Variants in SMYD1 observed in about 807,000 individuals in gnomAD.
SMYD1 encodes the protein SET and MYND domain containing 1, also known as histone-lysine N-methyltransferase SMYD1.
SMYD1 carries 49 observed loss-of-function variants against 54.0 expected under a neutral mutation model. That is an observed-to-expected ratio of 0.91 (90% CI 0.72 to 1.15). The LOEUF is 1.15. Ranked by LOEUF, SMYD1 falls within the 50% of genes most tolerant of loss-of-function variation. The pLI is 0.00. For missense variants in SMYD1, 653 were observed against 639.6 expected, an observed-to-expected ratio of 1.02 and a Z score of -0.23; for synonymous variants, 269 against 234.2, an observed-to-expected ratio of 1.15 and a Z score of -1.36.
intron 5 of SMYD1, among the ~76,000 whole-genome samples, chr2:88,094,488 T>C (rs1573114275): frequency 1.3e-5 from 2 of 152,202 alleles, no homozygotes; most frequent in South Asian, 4.1e-4. Flanking sequence ...AGAAAGCTGG[T>C]TGGAGGGAGA....
chr2:88,067,829 T>TTA lies in SMYD1; in HGVS notation c.-35_-34dup. 2 of 1,605,834 alleles carry TTA rather than the reference T, an allele frequency of 1.2e-6. No homozygotes were observed. The highest frequency in any genetic ancestry group is 4.5e-5 in the East Asian group (2 of 44,660). On this transcript the variant is annotated 5_prime_UTR_variant, in exon 1 of 10. Coordinates refer to ENST00000419482, the MANE Select transcript of SMYD1 (RefSeq NM_198274.4). ...CAATGACAAGAGACTTGGCTCAGTGTTAAATAACTGCCGCGCTGGCCTGAC... is the reference window on the plus strand; with the variant it reads ...CAATGACAAGAGACTTGGCTCAGTGTTATAAATAACTGCCGCGCTGGCCTGAC...
In SMYD1 at chr2:88,074,465, G is replaced by A. The variant is rs183781983; in HGVS notation, c.137+6464G>A. 1.6e-4 allele frequency among the ~76,000 whole-genome samples: 25 copies of A among 152,278 alleles called. 1 individual carries two copies. The highest frequency in any genetic ancestry group is 6.0e-4 in the African/African-American group (25 of 41,554). On this transcript the variant is annotated intron_variant, in intron 1 of 9. Coordinates refer to ENST00000419482, the MANE Select transcript of SMYD1 (RefSeq NM_198274.4). ...TTTGGGATACTGTCCTTGTCTCAAG[G>A]TCTTTAACTTAATCACTCATGCAAA... is the stretch of plus-strand genomic sequence containing the variant.
chr2:88,092,612 A>G (rs150326858), intron 4 of SMYD1, among the ~76,000 whole-genome samples: 1 of 152,344 alleles, frequency 6.6e-6, no homozygotes, highest in East Asian at 1.9e-4. Flanking sequence ...AGTAATTGAG[A>G]AAGTCACTCA....
At chr2:88,093,652 C>T in intron 5 of SMYD1, 97 bp downstream of exon 5, 2 of 1,341,718 alleles carry the variant, frequency 1.5e-6, no homozygotes, top group South Asian at 1.2e-5. Context: ...TCTTGGCTGC[C>T]ATCTGTCCAT....
intron 8 of SMYD1, among the ~76,000 whole-genome samples, chr2:88,107,918 C>T (rs565341602): frequency 5.9e-5 from 9 of 152,350 alleles, no homozygotes; most frequent in East Asian, 1.9e-4. Context: ...TGCCCTGCTT[C>T]GGCTTACACT....
At chr2:88,077,121 T>A (rs2919877) in intron 1 of SMYD1, among the ~76,000 whole-genome samples, 123,890 of 152,218 alleles carry the variant, frequency 0.81, 50,785 homozygotes, top group East Asian at 1. Context: ...CTGTTGGTCC[T>A]GTCCTCTCTG....
intron 6 of SMYD1, among the ~76,000 whole-genome samples, chr2:88,101,852 C>T (rs1003617556): frequency 1.2e-4 from 19 of 152,306 alleles, no homozygotes; most frequent in African/African-American, 4.1e-4. Context: ...GTAATCTGCC[C>T]GCCTGGGCCT....
At position 88,103,133 on chromosome 2, in the gene SMYD1, G is replaced by T; in HGVS notation, c.964G>T (p.Glu322Ter). The change falls in exon 7 of 10, where the codon GAG becomes TAG. Residue 322 changes from glutamate to a stop codon, truncating the protein, a stop_gained. Coordinates refer to ENST00000419482, the MANE Select transcript of SMYD1 (RefSeq NM_198274.4). LOFTEE classifies it high-confidence loss of function. ...GGAAAAGATAGACAAGGCTCGTTCC[G>T]AGGGTTTGTATCATGAGGTAAGAAT... The part of the protein sequence containing the change: ...TLEKIDKARS[E>*]GLYHEVVKLC... The T allele has an allele frequency of 1.2e-6, 2 of 1,613,664 alleles. No individual in the cohort carries two copies. The highest frequency in any genetic ancestry group is 1.3e-5 in the African/African-American group (1 of 74,982).
chr2:88,074,241 T>C (rs1674009683), intron 1 of SMYD1, among the ~76,000 whole-genome samples: 4 of 152,252 alleles, frequency 2.6e-5, no homozygotes, highest in Admixed American at 6.5e-5. Flanking sequence ...TATTATCTTA[T>C]AGTTCTGGAG....
intron 4 of SMYD1, among the ~76,000 whole-genome samples, chr2:88,092,286 C>G (rs771662949): frequency 2.0e-5 from 3 of 151,992 alleles, no homozygotes; most frequent in Non-Finnish European, 4.4e-5. Context: ...CATAAGGGCA[C>G]ATGATGGATT....
In SMYD1 at chr2:88,112,300, C is replaced by CT. The variant is rs151101241; in HGVS notation, c.*1795dup. The CT allele has an allele frequency of 2.8e-3, 1,694 of 611,876 alleles. 27 individuals carry two copies. The highest frequency in any genetic ancestry group is 0.028 in the African/African-American group (1,497 of 54,208). 37.9% of individuals were successfully genotyped at this position (611,876 alleles called of 1,614,324 possible). On this transcript the variant is annotated 3_prime_UTR_variant, in exon 10 of 10. Transcript: ENST00000419482. ...CTGGTCATTTCCCCATATTCGTAGT[C>CT]TTTTTTTCCATCCTATCTTTCTAAT...
intron 1 of SMYD1, among the ~76,000 whole-genome samples, chr2:88,075,338 C>G (rs941441293): frequency 1.3e-5 from 2 of 152,094 alleles, no homozygotes; most frequent in African/African-American, 4.8e-5. Flanking sequence ...TTTACCCACT[C>G]GCATCCCAGG....
intron 6 of SMYD1, among the ~76,000 whole-genome samples, chr2:88,099,251 A>C (rs967603473): frequency 2.0e-5 from 3 of 151,890 alleles, no homozygotes; most frequent in African/African-American, 7.2e-5. Context: ...GCTGCTGGCT[A>C]ATTTTTGTAT....
At chr2:88,103,969 C>CTTT (rs111800051) in intron 7 of SMYD1, among the ~76,000 whole-genome samples, 1 of 142,278 alleles carries the variant, frequency 7.0e-6, no homozygotes, top group Non-Finnish European at 1.5e-5. Context: ...ATTTCTATTT[C>CTTT]TTTTTTTTTT....
At position 88,087,936 on chromosome 2, in the gene SMYD1, A is replaced by G; in HGVS notation, c.389A>G (p.Asp130Gly). ...GLTEGCLVSV[D>G]DLQNHVEHFG... ...ACGGAGGGCTGCCTGGTGTCCGTGG[A>G]CGACTTGCAGAACCACGTGGAGCAC... The change falls in exon 3 of 10, where the codon GAC becomes GGC. Residue 130 changes from aspartate to glycine, a missense_variant. Coordinates refer to ENST00000419482, the MANE Select transcript of SMYD1 (RefSeq NM_198274.4). The G allele has an allele frequency of 6.2e-7, 1 of 1,613,960 alleles. No individual in the cohort carries two copies. Among genetic ancestry groups the G allele is most frequent in the Non-Finnish European group, 8.5e-7 (1 of 1,179,932 alleles).
chr2:88,095,970 C>T (rs1447983506), intron 5 of SMYD1, among the ~76,000 whole-genome samples: 2 of 152,354 alleles, frequency 1.3e-5, no homozygotes, highest in African/African-American at 4.8e-5. Context: ...CAGTAAGCCA[C>T]ATCTCCCAAT....
chr2:88,104,122 A>T (rs1573120831), intron 7 of SMYD1, among the ~76,000 whole-genome samples: 2 of 152,048 alleles, frequency 1.3e-5, no homozygotes, highest in Admixed American at 1.3e-4. Context: ...GCCCGCCACC[A>T]CGCCTGGCTA....
intron 6 of SMYD1, among the ~76,000 whole-genome samples, chr2:88,098,504 T>A (rs1051575671): frequency 6.6e-6 from 1 of 152,238 alleles, no homozygotes; most frequent in Non-Finnish European, 1.5e-5. Context: ...TTATATTTTA[T>A]ATCAAATTGA....
Position 88,103,133 on chromosome 2 carries a change from G to A in SMYD1, c.964G>A (p.Glu322Lys), listed in dbSNP as rs761800685. ...TLEKIDKARSEGLYHEVVKLC... is the reference protein window; with the variant it reads ...TLEKIDKARSKGLYHEVVKLC... ...GGAAAAGATAGACAAGGCTCGTTCC[G>A]AGGGTTTGTATCATGAGGTAAGAAT... Residue 322 changes from glutamate to lysine, a missense_variant, in exon 7 of 10, where the codon GAG (glutamate) becomes AAG (lysine). Transcript: ENST00000419482. The A allele has an allele frequency of 5.6e-6, 9 of 1,613,546 alleles. No individual in the cohort carries two copies. The highest frequency in any genetic ancestry group is 3.3e-5 in the South Asian group (3 of 91,050).
Sources: gnomAD v4.1 joint callset for allele counts (sites outside exome capture counted in the v4.1 genomes callset) on GRCh38, gnomAD v4.1.1 for gene constraint, MANE v1.5 for transcripts, NCBI Gene and HGNC (gene_info 2026-07-23, HGNC 2026-07-21) for gene names.